SLC11A2: variants seen among roughly 807,000 people sequenced by gnomAD.
The protein encoded by SLC11A2 is natural resistance-associated macrophage protein 2.
Under a neutral mutation model 68.0 loss-of-function variants are expected in SLC11A2, and 38 were observed. The ratio of observed to expected loss-of-function variants is 0.56; its 90% CI spans 0.43 to 0.73. SLC11A2 has a LOEUF of 0.73. Among genes scored for constraint, SLC11A2 ranks in the 30% least tolerant of loss-of-function variants. SLC11A2 has a pLI of 0.00. For missense variants in SLC11A2, 517 were observed against 690.5 expected, an observed-to-expected ratio of 0.75 and a Z score of 2.82; for synonymous variants, 242 against 250.6, an observed-to-expected ratio of 0.97 and a Z score of 0.32.
At chr12:51,002,586 C>A (rs116517215) in intron 5 of SLC11A2, among the ~76,000 whole-genome samples, 2,254 of 145,462 alleles carry the variant, frequency 0.015, 56 homozygotes, top group African/African-American at 0.054. Flanking sequence ...TTATAGTAAG[C>A]CAAGATCACA....
At chr12:51,017,275 T>C (rs1385865387) in intron 1 of SLC11A2, among the ~76,000 whole-genome samples, 2 of 152,162 alleles carry the variant, frequency 1.3e-5, no homozygotes, top group South Asian at 2.1e-4. Context: ...TGCACATTCA[T>C]TGGACAGAAT....
At chr12:50,957,065 A>G in the SLC11A2 span, among the ~76,000 whole-genome samples, 2 of 152,002 alleles carry the variant, frequency 1.3e-5, no homozygotes, top group Non-Finnish European at 2.9e-5. Flanking sequence ...TATAAAATAT[A>G]CATGTAAATG....
At chr12:51,000,213 A>G in intron 6 of SLC11A2, 100 bp downstream of exon 6, 1 of 831,776 alleles carries the variant, frequency 1.2e-6, no homozygotes, top group South Asian at 1.4e-5. Context: ...ATAACAATTG[A>G]GTTGAGTCTT....
At position 50,988,403 on chromosome 12, in the gene SLC11A2, G is replaced by A; in HGVS notation, c.1608C>T (p.Ser536=). 6.2e-7 allele frequency: 1 copy of A among 1,614,008 alleles called. No homozygotes were observed. Among genetic ancestry groups the A allele is most frequent in the Admixed American group, 1.7e-5 (1 of 60,014 alleles). ...TTACCGTATGCCCACAGTCCAGGAA[G>A]GACATGCCCAGTGCAATCAAACATT... ...GWQCLIALGM[S]FLDCGHTVSI... is the part of the protein sequence containing the mutation. Residue 536 remains serine, a synonymous_variant, in exon 16 of 16, where the codon TCC becomes TCT. Transcript: ENST00000262052.
At chr12:51,015,171 A>G (rs1265058339) in intron 1 of SLC11A2, among the ~76,000 whole-genome samples, 1 of 146,552 alleles carries the variant, frequency 6.8e-6, no homozygotes, top group Non-Finnish European at 1.5e-5. Flanking sequence ...TTAAAAAAAA[A>G]AAAATTAATA....
At position 50,986,180 on chromosome 12, in the gene SLC11A2, G is replaced by C; in HGVS notation, c.*2145C>G. ...AATTATTTCATGTCACATTTAAGAAGAACAAGAACCAATTTATATAAAGTA... is the reference window on the plus strand; with the variant it reads ...AATTATTTCATGTCACATTTAAGAACAACAAGAACCAATTTATATAAAGTA... On this transcript the variant is annotated 3_prime_UTR_variant, in exon 16 of 16. Transcript: ENST00000262052. 1 of 1,284,842 alleles carries C rather than the reference G, an allele frequency of 7.8e-7. No homozygotes were observed. Among genetic ancestry groups the C allele is most frequent in the Non-Finnish European group, 1.0e-6 (1 of 986,788 alleles). The allele number at this position is 1,284,842 out of a possible 1,614,324, so 79.6% of individuals were successfully genotyped here.
intron 1 of SLC11A2, 64 bp downstream of exon 1, chr12:51,026,246 C>T: frequency 8.2e-7 from 1 of 1,219,842 alleles, no homozygotes; most frequent in Non-Finnish European, 1.1e-6. Context: ...GCCCTCGAGC[C>T]GCCCCGCGCC....
the SLC11A2 span, among the ~76,000 whole-genome samples, chr12:50,971,570 G>A: frequency 6.6e-6 from 1 of 152,116 alleles, no homozygotes; most frequent in African/African-American, 2.4e-5. Context: ...AGATGTTAAA[G>A]GTTAAGTTTA....
chr12:50,972,667 C>T, the SLC11A2 span, among the ~76,000 whole-genome samples: 5 of 152,266 alleles, frequency 3.3e-5, no homozygotes, highest in South Asian at 2.1e-4. Flanking sequence ...TGCAGAGCAC[C>T]GAGCATGAGC....
At chr12:50,993,049 T>C in intron 11 of SLC11A2, 120 bp from the exon 12 acceptor site, 1 of 1,225,692 alleles carries the variant, frequency 8.2e-7, no homozygotes, top group Middle Eastern at 2.5e-4. Context: ...CACCAAGTGC[T>C]GTGCTGCGCA....
intron 1 of SLC11A2, among the ~76,000 whole-genome samples, chr12:51,014,426 A>C (rs1943469972): frequency 6.6e-6 from 1 of 152,358 alleles, no homozygotes; most frequent in Non-Finnish European, 1.5e-5. Flanking sequence ...AAATACAAAA[A>C]GTTTCGTCTT....
chr12:50,965,589 G>A, the SLC11A2 span, among the ~76,000 whole-genome samples: 1 of 152,068 alleles, frequency 6.6e-6, no homozygotes, highest in Non-Finnish European at 1.5e-5. Context: ...GACCCACCAG[G>A]CTTGACTATG....
intron 8 of SLC11A2, 55 bp from the exon 9 acceptor site, chr12:50,997,027 CAT>C: frequency 1.4e-6 from 2 of 1,406,292 alleles, no homozygotes; most frequent in Non-Finnish European, 2.0e-6. Context: ...ACGGGAGTAA[CAT>C]AGTACCAGGG....
chr12:50,984,964 C>G (rs115106222), downstream of SLC11A2, among the ~76,000 whole-genome samples: 2 of 152,116 alleles, frequency 1.3e-5, no homozygotes, highest in Admixed American at 6.5e-5. Flanking sequence ...TTAAGCTATG[C>G]GAGTTCAAAT....
At chr12:50,992,394 T>G in intron 12 of SLC11A2, 55 bp from the exon 13 acceptor site, 5 of 1,561,052 alleles carry the variant, frequency 3.2e-6, no homozygotes, top group Non-Finnish European at 4.4e-6. Context: ...AAAAAAAAGT[T>G]TTGGGGAGGT....
At chr12:51,026,481 C>T (rs2136450448), upstream of SLC11A2, 3 of 653,950 alleles carry the variant, frequency 4.6e-6, no homozygotes, top group South Asian at 1.5e-5. Context: ...GCGTGGCCCG[C>T]AGACCAGGGA....
In SLC11A2 at chr12:50,995,083, G is replaced by A. The variant is rs141610697; in HGVS notation, c.991-453C>T. The A allele has an allele frequency of 8.1e-5, 19 of 233,312 alleles. No homozygotes were observed. In the East Asian group the frequency reaches 2.1e-3, roughly 25 times the overall value. The allele number at this position is 233,312 out of a possible 1,614,324, so 14.5% of individuals were successfully genotyped here. ...CCCTGTACTTTGAGAGGCCGAGGCA[G>A]GTGGATCACTTGAGGTCAGGAGTTT... On this transcript the variant is annotated intron_variant, in intron 10 of 15. Transcript: ENST00000262052.
At chr12:50,989,273 T>A (rs1940908222) in intron 15 of SLC11A2, among the ~76,000 whole-genome samples, 1 of 152,180 alleles carries the variant, frequency 6.6e-6, no homozygotes, top group South Asian at 2.1e-4. Flanking sequence ...GTGGATCACC[T>A]GAGGTCAAGA....
Position 51,010,730 on chromosome 12 carries a change from G to A in SLC11A2, c.-2C>T. The A allele has an allele frequency of 6.2e-7, 1 of 1,606,628 alleles. No homozygotes were observed. The highest frequency in any genetic ancestry group is 8.5e-7 in the Non-Finnish European group (1 of 1,173,422). On this transcript the variant is annotated 5_prime_UTR_variant, in exon 2 of 16. Transcript: ENST00000262052. ...CTTCTGTTCAGGACCCAGCACCATG[G>A]TGGATACCTGAGTGGCTGAGTTCTT...
Sources: allele counts gnomAD v4.1 joint callset (sites outside exome capture counted in the v4.1 genomes callset), GRCh38; gene constraint gnomAD v4.1.1; transcripts MANE v1.5; gene names NCBI Gene and HGNC (gene_info 2026-07-23, HGNC 2026-07-21).